Variants in NR3C2 observed in about 807,000 individuals in gnomAD.
NR3C2 encodes the protein nuclear receptor subfamily 3 group C member 2.
NR3C2 carries 15 observed loss-of-function variants against 86.4 expected under a neutral mutation model. That is an observed-to-expected ratio of 0.17 (90% confidence interval 0.12 to 0.27). The LOEUF (loss-of-function observed/expected upper bound fraction) is 0.27, where lower values mean the gene tolerates loss of function less well. Ranked by LOEUF, NR3C2 falls within the 10% of genes least tolerant of loss-of-function variation. The pLI, the probability that NR3C2 is intolerant of heterozygous loss-of-function variation, is 1.00. For synonymous variants in NR3C2, 458 were observed against 450.5 expected, an observed-to-expected ratio of 1.02 and a Z score of -0.21; for missense variants, 960 against 1,195.6, an observed-to-expected ratio of 0.80 and a Z score of 2.91.
At chr4:148,121,370 A>G (rs34438391) in intron 6 of NR3C2, among the ~76,000 whole-genome samples, 2,849 of 152,322 alleles carry the variant, frequency 0.019, 37 homozygotes, top group Non-Finnish European at 0.029. Flanking sequence ...TGTTCTCTGC[A>G]TTACTGTATG....
chr4:148,136,137 C>T (rs1310160661), intron 6 of NR3C2, among the ~76,000 whole-genome samples: 1 of 151,136 alleles, frequency 6.6e-6, no homozygotes, highest in East Asian at 1.9e-4. Flanking sequence ...TTTGTCCAGT[C>T]TGTGTTCTCT....
At chr4:148,291,135 T>C (rs1282949884) in intron 2 of NR3C2, among the ~76,000 whole-genome samples, 1 of 152,128 alleles carries the variant, frequency 6.6e-6, no homozygotes, top group Admixed American at 6.5e-5. Flanking sequence ...TTACTTAAAA[T>C]GAATGATCCA....
intron 3 of NR3C2, among the ~76,000 whole-genome samples, chr4:148,245,726 A>G (rs1739282737): frequency 6.6e-6 from 1 of 152,230 alleles, no homozygotes; most frequent in Non-Finnish European, 1.5e-5. Flanking sequence ...AATGAAAAAA[A>G]GCAGGTGTCA....
intron 4 of NR3C2, among the ~76,000 whole-genome samples, chr4:148,170,062 A>G (rs954063440): frequency 6.6e-6 from 1 of 152,226 alleles, no homozygotes; most frequent in Non-Finnish European, 1.5e-5. Flanking sequence ...TCTCAACTTC[A>G]TTGACATTTT....
chr4:148,176,499 A>G (rs1735382011), intron 4 of NR3C2, among the ~76,000 whole-genome samples: 1 of 152,166 alleles, frequency 6.6e-6, no homozygotes, highest in Non-Finnish European at 1.5e-5. Context: ...AGTCACATGA[A>G]GCCATCCTGA....
chr4:148,172,549 G>A (rs1176108867), intron 4 of NR3C2, among the ~76,000 whole-genome samples: 1 of 152,122 alleles, frequency 6.6e-6, no homozygotes, highest in East Asian at 1.9e-4. Flanking sequence ...TTTGGACTCT[G>A]TTATAGGACT....
intron 8 of NR3C2, among the ~76,000 whole-genome samples, chr4:148,101,947 C>T (rs1413455425): frequency 1.3e-5 from 2 of 152,130 alleles, no homozygotes; most frequent in Non-Finnish European, 2.9e-5. Flanking sequence ...ATACTGGAAA[C>T]CCCGTGAGCA....
At chr4:148,394,882 T>C (rs1301986849) in intron 2 of NR3C2, among the ~76,000 whole-genome samples, 1 of 152,132 alleles carries the variant, frequency 6.6e-6, no homozygotes, top group African/African-American at 2.4e-5. Context: ...CTAGACAGGA[T>C]GCTGAAAATA....
intron 2 of NR3C2, among the ~76,000 whole-genome samples, chr4:148,293,064 C>G (rs745394916): frequency 8.5e-5 from 13 of 152,088 alleles, no homozygotes; most frequent in Non-Finnish European, 1.6e-4. Context: ...GGTTAGAAGA[C>G]CTTGAAAAAT....
chr4:148,139,920 A>G lies in NR3C2; in HGVS notation c.2510+12549T>C, dbSNP rs564881109. 7.9e-4 allele frequency among the ~76,000 whole-genome samples: 120 copies of G among 152,336 alleles called. No individual in the cohort carries two copies. In the South Asian group the frequency reaches 0.025, roughly 31 times the overall value. On this transcript the variant is annotated intron_variant, in intron 6 of 8. Transcript: ENST00000358102. ...TAAAACCAAAATCATCTCTCATGTG[A>G]TACAATAAAAATAATCGTGTGGTTC...
At chr4:148,260,802 A>G (rs1740059500) in intron 2 of NR3C2, among the ~76,000 whole-genome samples, 1 of 152,178 alleles carries the variant, frequency 6.6e-6, no homozygotes, top group African/African-American at 2.4e-5. Flanking sequence ...TCTGGGAAAC[A>G]GTTTTTAGGG....
intron 2 of NR3C2, among the ~76,000 whole-genome samples, chr4:148,371,407 A>G (rs1023838623): frequency 6.6e-6 from 1 of 152,204 alleles, no homozygotes; most frequent in Non-Finnish European, 1.5e-5. Flanking sequence ...CTGTCTGCAG[A>G]ATGAGCTAGA....
intron 6 of NR3C2, among the ~76,000 whole-genome samples, chr4:148,143,391 T>C (rs1560943912): frequency 6.6e-6 from 1 of 152,236 alleles, no homozygotes; most frequent in East Asian, 1.9e-4. Context: ...CTAGCAGCAC[T>C]GCAGGCAGGA....
chr4:148,331,430 A>G (rs1043325459), intron 2 of NR3C2, among the ~76,000 whole-genome samples: 1 of 152,236 alleles, frequency 6.6e-6, no homozygotes, highest in Non-Finnish European at 1.5e-5. Flanking sequence ...TCAAGTGTAA[A>G]TATTACATTT....
At chr4:148,297,001 TA>T (rs1292901887) in intron 2 of NR3C2, among the ~76,000 whole-genome samples, 1 of 152,178 alleles carries the variant, frequency 6.6e-6, no homozygotes, top group Non-Finnish European at 1.5e-5. Flanking sequence ...TTAAGAAATT[TA>T]AAATCAGTTG....
intron 3 of NR3C2, among the ~76,000 whole-genome samples, chr4:148,227,582 T>G (rs1457200319): frequency 6.6e-6 from 1 of 152,222 alleles, no homozygotes; most frequent in Non-Finnish European, 1.5e-5. Context: ...ATTATTACCA[T>G]GGTGATGGCC....
At position 148,382,854 on chromosome 4, in the gene NR3C2, G is replaced by A. The variant is rs981456608; in HGVS notation, c.1757+52250C>T. On this transcript the variant is annotated intron_variant, in intron 2 of 8. Transcript: ENST00000358102. The stretch of plus-strand genomic sequence containing the variant: ...TTAAAAGGAAGAAACAGGATCTCAC[G>A]AAGGAAGCTGAGTTACAAATAAAGC... 3.3e-5 allele frequency among the ~76,000 whole-genome samples: 5 copies of A among 152,190 alleles called. No individual in the cohort carries two copies. In the South Asian group the frequency reaches 6.2e-4, roughly 19 times the overall value.
chr4:148,133,492 C>T (rs1414279628), intron 6 of NR3C2, among the ~76,000 whole-genome samples: 2 of 152,122 alleles, frequency 1.3e-5, no homozygotes, highest in Non-Finnish European at 2.9e-5. Flanking sequence ...ACTTTGTTCA[C>T]ATTCTTGAAA....
Position 148,194,761 on chromosome 4 carries a change from C to T in NR3C2, c.1999G>A (p.Gly667Arg). The T allele has an allele frequency of 1.2e-6, 2 of 1,609,534 alleles. No homozygotes were observed. The highest frequency in any genetic ancestry group is 1.7e-6 in the Non-Finnish European group (2 of 1,178,440). The change falls in exon 4 of 9, where the codon GGA becomes AGA. Residue 667 changes from glycine (G) to arginine (R), a missense_variant. Transcript: ENST00000358102. ...ACRLQKCLQA[G>R]MNLGARKSKK... is the part of the protein sequence containing the mutation. ...CAAAACTTACCTCCTAAATTCATTC[C>T]AGCTTGAAGACATTTCTGAAGTCTG...
Sources: allele counts gnomAD v4.1 joint callset (sites outside exome capture counted in the v4.1 genomes callset), GRCh38; gene constraint gnomAD v4.1.1; transcripts MANE v1.5; gene names NCBI Gene and HGNC (gene_info 2026-07-23, HGNC 2026-07-21).